The following MORC3 variants were observed in gnomAD, a reference collection of about 807,000 sequenced individuals.
MORC3 encodes MORC family CW-type zinc finger protein 3.
Under a neutral mutation model 109.1 loss-of-function variants are expected in MORC3, and 31 were observed. That is an observed-to-expected ratio of 0.28 (90% CI 0.21 to 0.38). MORC3 has a LOEUF of 0.38. MORC3 is among the 10% of genes least tolerant of loss of function. The pLI, the probability that MORC3 is intolerant of heterozygous loss-of-function variation, is 1.00. For synonymous variants in MORC3, 395 were observed against 380.7 expected, an observed-to-expected ratio of 1.04 and a Z score of -0.44; for missense variants, 867 against 1,135.8, an observed-to-expected ratio of 0.76 and a Z score of 3.40.
intron 8 of MORC3, among the ~76,000 whole-genome samples, chr21:36,346,191 T>C (rs897201332): frequency 6.6e-6 from 1 of 152,098 alleles, no homozygotes; most frequent in African/African-American, 2.4e-5. Flanking sequence ...AGGCCAAATT[T>C]TGTATTTTTA....
intron 1 of MORC3, among the ~76,000 whole-genome samples, chr21:36,328,976 GAA>G (rs1569088030): frequency 6.6e-6 from 1 of 150,636 alleles, no homozygotes; most frequent in Admixed American, 6.6e-5. Flanking sequence ...AAAAAATCAC[GAA>G]AGAAACTTCA....
At chr21:36,369,992 C>T (rs968379658) in intron 15 of MORC3, 116 bp downstream of exon 15, 1 of 1,226,968 alleles carries the variant, frequency 8.2e-7, no homozygotes, top group Non-Finnish European at 1.1e-6. Flanking sequence ...TTGGGGAGGC[C>T]AAGGCGGGTG....
chr21:36,329,930 T>G (rs1398050005), intron 1 of MORC3, among the ~76,000 whole-genome samples: 2 of 152,108 alleles, frequency 1.3e-5, no homozygotes, highest in Non-Finnish European at 2.9e-5. Context: ...TGACCTGATC[T>G]CAGCTCACTG....
At chr21:36,352,640 T>G (rs2085585945) in intron 9 of MORC3, among the ~76,000 whole-genome samples, 1 of 152,062 alleles carries the variant, frequency 6.6e-6, no homozygotes, top group Admixed American at 6.6e-5. Context: ...CAATTTGGAT[T>G]TTTGGATTTG....
rs1160455666 is a variant in MORC3 at position 36,338,711 on chromosome 21, T to A, written c.461-63T>A. 20 of 1,414,116 alleles carry A rather than the reference T, an allele frequency of 1.4e-5. No homozygotes were observed. In the East Asian group the frequency reaches 3.9e-4, roughly 28 times the overall value. 87.6% of individuals were successfully genotyped at this position (1,414,116 alleles called of 1,614,324 possible). ...TTTCTGTTATTTAAGTTTATAGAGT[T>A]AGTTTTCATATTGTAATTATGAAAA... On this transcript the variant is annotated intron_variant, in intron 4 of 16. Coordinates refer to ENST00000400485, the MANE Select transcript of MORC3 (RefSeq NM_015358.3).
chr21:36,320,976 C>G (rs570307620), intron 1 of MORC3, among the ~76,000 whole-genome samples: 2 of 152,330 alleles, frequency 1.3e-5, no homozygotes, highest in Admixed American at 6.5e-5. Context: ...AACTTGAAAT[C>G]TCACGTCCAG....
Position 36,356,602 on chromosome 21 carries a change from T to G in MORC3, c.1104-18T>G, listed in dbSNP as rs138186860. 3 of 1,216,056 alleles carry G rather than the reference T, an allele frequency of 2.5e-6. No individual in the cohort carries two copies. Among genetic ancestry groups the G allele is most frequent in the Non-Finnish European group, 3.4e-6 (3 of 894,492 alleles). 75.3% of individuals were successfully genotyped at this position (1,216,056 alleles called of 1,614,324 possible). Reference sequence around the variant, plus strand: ...TTTGAAAAGAATTTTTTCTTGATTTTATGATTTACTTTTTAAGACTTACAA... The same window carrying G: ...TTTGAAAAGAATTTTTTCTTGATTTGATGATTTACTTTTTAAGACTTACAA... On this transcript the variant is annotated intron_variant, in intron 9 of 16. Transcript: ENST00000400485.
chr21:36,369,515 A>G lies in MORC3; in HGVS notation c.2147A>G (p.Gln716Arg). The change falls in exon 15 of 17, where the codon CAG becomes CGG. Residue 716 changes from glutamine to arginine, a missense_variant. Around this residue, in one of 7 missense-constraint regions of MORC3, gnomAD observed 486 missense variants for 502.1 expected, o/e 0.97. Transcript: ENST00000400485. Reference sequence around the variant, plus strand: ...GAGGAAAAAGAGAATTATAAAAGACAGTGTCATATGTTTACTGATCAAATC... The same window carrying G: ...GAGGAAAAAGAGAATTATAAAAGACGGTGTCATATGTTTACTGATCAAATC... Reference protein sequence around the residue: ...VTEEKENYKRQCHMFTDQIKV... With the variant: ...VTEEKENYKRRCHMFTDQIKV... The G allele has an allele frequency of 6.2e-7, 1 of 1,614,212 alleles. No individual in the cohort carries two copies. Among genetic ancestry groups the G allele is most frequent in the Non-Finnish European group, 8.5e-7 (1 of 1,180,034 alleles).
Position 36,338,966 on chromosome 21 carries a change from C to G in MORC3, c.608+45C>G, listed in dbSNP as rs182110296. 3.6e-5 allele frequency: 57 copies of G among 1,593,816 alleles called. 1 individual carries two copies. The highest frequency in any genetic ancestry group is 6.9e-6 in the Non-Finnish European group (8 of 1,162,992). On this transcript the variant is annotated intron_variant, in intron 5 of 16. Coordinates refer to ENST00000400485, the MANE Select transcript of MORC3 (RefSeq NM_015358.3). Reference sequence around the variant, plus strand: ...TTGACCGTTTGGGAAGTAAAGTGCACGTGCAGGGTGGTGGTGTTATATTCA... The same window carrying G: ...TTGACCGTTTGGGAAGTAAAGTGCAGGTGCAGGGTGGTGGTGTTATATTCA...
In MORC3 at chr21:36,341,604, G is replaced by A. The variant is rs989965853; in HGVS notation, c.756+58G>A. 2.5e-6 allele frequency: 4 copies of A among 1,602,854 alleles called. No homozygotes were observed. In the East Asian group the frequency reaches 6.7e-5, roughly 27 times the overall value. On this transcript the variant is annotated intron_variant, in intron 6 of 16. Coordinates refer to ENST00000400485, the MANE Select transcript of MORC3 (RefSeq NM_015358.3). Reference sequence around the variant, plus strand: ...AAATCATTGAATGCTGGTAGTATTAGGAGAGGTCATGTTACCTGCTTGTGA... The same window carrying A: ...AAATCATTGAATGCTGGTAGTATTAAGAGAGGTCATGTTACCTGCTTGTGA...
At position 36,336,956 on chromosome 21, in the gene MORC3, C is replaced by T. The variant is rs368639514; in HGVS notation, c.195C>T (p.Phe65=). The change falls in exon 3 of 17, where the codon TTC becomes TTT. Residue 65 remains phenylalanine, a synonymous_variant. Coordinates refer to ENST00000400485, the MANE Select transcript of MORC3 (RefSeq NM_015358.3). ...TVINDHICLT[F]TDNGNGMTSD... ...TAAATGACCATATATGCTTGACATT[C>T]ACCGACAATGGGAATGGTATGACTT... The T allele has an allele frequency of 3.2e-5, 52 of 1,612,486 alleles. No homozygotes were observed. The highest frequency in any genetic ancestry group is 4.2e-5 in the Non-Finnish European group (49 of 1,179,286).
chr21:36,369,434 C>G lies in MORC3; in HGVS notation c.2066C>G (p.Ala689Gly). The change falls in exon 15 of 17, where the codon GCA becomes GGA. Residue 689 changes from alanine to glycine, a missense_variant. Physicochemically the swap from Ala to Gly is moderately conservative, Grantham distance 60. This residue lies in a region of MORC3 where 486 missense variants were observed against 502.1 expected (regional missense o/e 0.97). Coordinates refer to ENST00000400485, the MANE Select transcript of MORC3 (RefSeq NM_015358.3). ...HETQETTDKS[A>G]DDAGCQLQEL... ...ACCCAGGAAACCACCGATAAATCTGCAGATGATGCAGGCTGCCAATTACAA... is the reference window on the plus strand; with the variant it reads ...ACCCAGGAAACCACCGATAAATCTGGAGATGATGCAGGCTGCCAATTACAA... The G allele has an allele frequency of 6.2e-7, 1 of 1,614,136 alleles. No individual in the cohort carries two copies. Among genetic ancestry groups the G allele is most frequent in the Non-Finnish European group, 8.5e-7 (1 of 1,180,034 alleles).
intron 4 of MORC3, 103 bp downstream of exon 4, chr21:36,338,049 A>G: frequency 8.6e-7 from 1 of 1,161,754 alleles, no homozygotes; most frequent in Non-Finnish European, 1.2e-6. Flanking sequence ...TTTGAATAAC[A>G]CCTATTCCAT....
chr21:36,349,434 C>A, intron 9 of MORC3, 26 bp downstream of exon 9: 1 of 1,423,652 alleles, frequency 7.0e-7, no homozygotes, highest in Non-Finnish European at 9.6e-7. Flanking sequence ...AAATTATTGA[C>A]TGAGGTTCCT....
At chr21:36,320,826 C>T (rs1173785848) in intron 1 of MORC3, among the ~76,000 whole-genome samples, 1 of 152,222 alleles carries the variant, frequency 6.6e-6, no homozygotes, top group Non-Finnish European at 1.5e-5. Context: ...CAGTGGAAGC[C>T]TTGGGGCCCA....
Position 36,375,277 on chromosome 21 carries a change from G to C in MORC3, c.2801G>C (p.Ser934Thr). The C allele has an allele frequency of 6.2e-7, 1 of 1,612,648 alleles. No homozygotes were observed. The change falls in exon 17 of 17, where the codon AGT becomes ACT. Residue 934 changes from serine (S) to threonine (T), a missense_variant. Ser to Thr is a moderately conservative substitution (Grantham distance 58). Around this residue, in one of 7 missense-constraint regions of MORC3, gnomAD observed 34 missense variants for 35.2 expected, o/e 0.97. Transcript: ENST00000400485. Reference sequence around the variant, plus strand: ...TTAGGACAAGTTGTTGAACAAATGAGTGAAATCAGTAGTACTTAAAGTATA... The same window carrying C: ...TTAGGACAAGTTGTTGAACAAATGACTGAAATCAGTAGTACTTAAAGTATA... Reference protein sequence around the residue: ...EILGQVVEQMSEISST With the variant: ...EILGQVVEQMTEISST
intron 9 of MORC3, among the ~76,000 whole-genome samples, chr21:36,353,486 A>G (rs1257627340): frequency 1.3e-5 from 2 of 151,846 alleles, no homozygotes; most frequent in Admixed American, 6.6e-5. Flanking sequence ...GGGAACCACA[A>G]TCCCAGCACT....
rs1480490816 is a variant in MORC3, at chr21:36,360,024, G to A, written c.1278G>A (p.Met426Ile). 1 of 1,614,026 alleles carries A rather than the reference G, an allele frequency of 6.2e-7. No homozygotes were observed. Among genetic ancestry groups the A allele is most frequent in the African/African-American group, 1.3e-5 (1 of 74,918 alleles). ...AGTGGCGGAAATTACCTGATGGGAT[G>A]GATCAACTTCCTGAAAAATGGTATT... ...CLKWRKLPDG[M>I]DQLPEKWYCS... The change falls in exon 11 of 17, where the codon ATG becomes ATA. Residue 426 changes from methionine to isoleucine, a missense_variant. By Grantham distance (10) the Met-to-Ile change is conservative (BLOSUM62 1). Transcript: ENST00000400485.
At chr21:36,338,090 C>T (rs970314950) in intron 4 of MORC3, 144 bp downstream of exon 4, 3 of 783,188 alleles carry the variant, frequency 3.8e-6, no homozygotes, top group Non-Finnish European at 6.1e-6. Context: ...ATTTACCCTA[C>T]ACCTGAGGCT....
Sources: allele counts gnomAD v4.1 joint callset (sites outside exome capture counted in the v4.1 genomes callset), GRCh38; gene constraint gnomAD v4.1.1; regional missense constraint gnomAD v4.1.1; transcripts MANE v1.5; gene names NCBI Gene and HGNC (gene_info 2026-07-23, HGNC 2026-07-21).